Variants in ATRN observed in about 807,000 individuals in gnomAD.
ATRN encodes attractin.
In ATRN, 54 loss-of-function variants were observed where a neutral mutation model predicts 178.7. The observed-to-expected ratio is 0.30, with a 90% CI of 0.24 to 0.38. The LOEUF is 0.38. Among genes scored for constraint, ATRN ranks in the 10% least tolerant of loss-of-function variants. ATRN has a pLI of 1.00. For synonymous variants in ATRN, 636 were observed against 663.0 expected (o/e 0.96, Z 0.63); for missense variants, 1,443 against 1,815.1 (o/e 0.79, Z 3.73).
intron 26 of ATRN, among the ~76,000 whole-genome samples, chr20:3,637,057 AAAGT>A (rs1376619806): frequency 6.6e-6 from 1 of 152,250 alleles, no homozygotes; most frequent in South Asian, 2.1e-4. Context: ...TGCATGAGAG[AAAGT>A]AAGATGCACA....
chr20:3,493,324 T>A (rs1600026366), intron 1 of ATRN, among the ~76,000 whole-genome samples: 1 of 99,254 alleles, frequency 1.0e-5, no homozygotes, highest in African/African-American at 3.2e-5. Context: ...CCTGGCTAAA[T>A]TTTTTTTTTT....
rs2853202 is a variant in ATRN, at chr20:3,645,987, T to G, written c.4166-736T>G. Among the ~76,000 whole-genome samples, 70,028 of 151,980 alleles carry G rather than the reference T, an allele frequency of 0.46. 17,588 individuals carry two copies. Among genetic ancestry groups the G allele is most frequent in the African/African-American group, 0.67 (27,723 of 41,444 alleles). On this transcript the variant is annotated intron_variant, in intron 28 of 28. Coordinates refer to ENST00000262919, the MANE Select transcript of ATRN (RefSeq NM_139321.3). The surrounding 1 kb of genome is among the most constrained non-coding windows in gnomAD (Gnocchi z 4.7). ...CAAAGCAAAGTGGGCGGCGGGGCAG[T>G]GATGAGCATAAAGGGTAGTTGCTAT...
chr20:3,615,289 C>T (rs1477369682), intron 24 of ATRN, among the ~76,000 whole-genome samples: 1 of 151,560 alleles, frequency 6.6e-6, no homozygotes, highest in African/African-American at 2.4e-5. Context: ...ATTAGCTGGG[C>T]GTGGTGAAGT....
intron 17 of ATRN, among the ~76,000 whole-genome samples, chr20:3,584,368 A>G (rs1327137193): frequency 6.6e-6 from 1 of 152,224 alleles, no homozygotes; most frequent in East Asian, 1.9e-4. Context: ...ATATCTCCAT[A>G]TCTGAATTTC....
At chr20:3,624,348 CAAGT>C (rs1177451536) in intron 24 of ATRN, among the ~76,000 whole-genome samples, 159 bp from the exon 25 acceptor site, 2 of 152,302 alleles carry the variant, frequency 1.3e-5, no homozygotes, top group East Asian at 3.9e-4. Context: ...GGCAACTAAA[CAAGT>C]AAACTAAAGG....
chr20:3,517,151 T>G (rs1286148552), intron 1 of ATRN, among the ~76,000 whole-genome samples: 1 of 152,216 alleles, frequency 6.6e-6, no homozygotes, highest in East Asian at 1.9e-4. Flanking sequence ...ATCTGTTGTT[T>G]CCTGTAATCT....
At chr20:3,591,070 ATAAAT>A (rs1411733093) in intron 18 of ATRN, 94 bp from the exon 19 acceptor site, 1 of 1,271,942 alleles carries the variant, frequency 7.9e-7, no homozygotes, top group Non-Finnish European at 1.0e-6. Flanking sequence ...TTTATCAAAG[ATAAAT>A]TAACTACAGA....
intron 25 of ATRN, among the ~76,000 whole-genome samples, chr20:3,631,672 G>C (rs906432729): frequency 6.6e-6 from 1 of 152,178 alleles, no homozygotes; most frequent in African/African-American, 2.4e-5. Context: ...GAGGCATAGA[G>C]GGAAGCAGGC....
intron 6 of ATRN, among the ~76,000 whole-genome samples, chr20:3,558,078 A>G (rs891601202): frequency 2.0e-5 from 3 of 152,178 alleles, no homozygotes; most frequent in African/African-American, 7.2e-5. Context: ...ATGTCCCTCC[A>G]AAGTCCCAGA....
chr20:3,614,694 G>C (rs2086817993), intron 24 of ATRN, among the ~76,000 whole-genome samples: 1 of 152,126 alleles, frequency 6.6e-6, no homozygotes, highest in African/African-American at 2.4e-5. Flanking sequence ...CAATTCAGTG[G>C]TTTTCAGTGT....
At chr20:3,586,228 A>T (rs566417423) in intron 18 of ATRN, among the ~76,000 whole-genome samples, 7 of 152,358 alleles carry the variant, frequency 4.6e-5, no homozygotes, top group Admixed American at 3.9e-4. Context: ...TTGTATATTC[A>T]TACAGTGTAA....
At chr20:3,625,670 C>T (rs920237848) in intron 25 of ATRN, among the ~76,000 whole-genome samples, 1 of 152,122 alleles carries the variant, frequency 6.6e-6, no homozygotes, top group African/African-American at 2.4e-5. Flanking sequence ...GAATTTCTCT[C>T]GGAGTTGCCC....
chr20:3,559,839 A>T (rs1402283396), intron 7 of ATRN, among the ~76,000 whole-genome samples: 4 of 152,158 alleles, frequency 2.6e-5, no homozygotes, highest in African/African-American at 9.7e-5. Context: ...TTATAGATAG[A>T]TGGTAGGATG....
intron 11 of ATRN, among the ~76,000 whole-genome samples, chr20:3,571,140 A>G (rs578170860): frequency 2.0e-4 from 31 of 152,228 alleles, no homozygotes; most frequent in African/African-American, 6.7e-4. Context: ...ATGTGGATGT[A>G]TTATAGTTTG....
chr20:3,472,858 G>A (rs1018200606), intron 1 of ATRN, among the ~76,000 whole-genome samples: 2 of 152,206 alleles, frequency 1.3e-5, no homozygotes, highest in Admixed American at 6.5e-5. Flanking sequence ...ACAAAGTTGT[G>A]GAGGCTGGAA....
intron 24 of ATRN, among the ~76,000 whole-genome samples, chr20:3,613,361 C>A (rs2086792890): frequency 6.6e-6 from 1 of 152,222 alleles, no homozygotes; most frequent in South Asian, 2.1e-4. Context: ...CTGGTTCTCT[C>A]TGCTTTGGGG....
chr20:3,507,402 GTC>G, intron 1 of ATRN, among the ~76,000 whole-genome samples: 1 of 143,032 alleles, frequency 7.0e-6, no homozygotes, highest in Non-Finnish European at 1.5e-5. Context: ...GCGAAACTCC[GTC>G]TCAAAAAAAA....
intron 1 of ATRN, among the ~76,000 whole-genome samples, chr20:3,534,177 G>A (rs1054091604): frequency 1.3e-5 from 2 of 152,202 alleles, no homozygotes; most frequent in Admixed American, 1.3e-4. Context: ...TCTTAACTAG[G>A]TATGTGAGAA....
intron 2 of ATRN, among the ~76,000 whole-genome samples, chr20:3,535,626 C>CACACACACACAT (rs1491226542): frequency 6.9e-5 from 8 of 115,844 alleles, no homozygotes; most frequent in Admixed American, 2.6e-4. Flanking sequence ...CACACACACA[C>CACACACACACAT]ATATATATTT....
Sources: allele counts gnomAD v4.1 joint callset (sites outside exome capture counted in the v4.1 genomes callset), GRCh38; gene constraint gnomAD v4.1.1; non-coding constraint Gnocchi (gnomAD v3.1); transcripts MANE v1.5; gene names NCBI Gene and HGNC (gene_info 2026-07-23, HGNC 2026-07-21).